TRPM3: variants seen among roughly 807,000 people sequenced by gnomAD.
TRPM3 encodes the protein transient receptor potential cation channel subfamily M member 3.
In TRPM3, 77 loss-of-function variants were observed where a neutral mutation model predicts 181.2. The observed-to-expected ratio is 0.42, with a 90% CI of 0.35 to 0.51. The LOEUF is 0.51. Among genes scored for constraint, TRPM3 ranks in the 20% least tolerant of loss-of-function variants. The pLI, the probability that TRPM3 is intolerant of heterozygous loss-of-function variation, is 0.01. For missense variants in TRPM3, 1,759 were observed against 2,196.7 expected, an observed-to-expected ratio of 0.80 and a Z score of 3.98; for synonymous variants, 745 against 796.4, an observed-to-expected ratio of 0.94 and a Z score of 1.09.
intron 1 of TRPM3, among the ~76,000 whole-genome samples, chr9:70,947,512 C>T (rs2096947831): frequency 6.6e-6 from 1 of 151,960 alleles, no homozygotes; most frequent in African/African-American, 2.4e-5. Context: ...GAGAATTATC[C>T]TCTAGTAATG....
intron 1 of TRPM3, among the ~76,000 whole-genome samples, chr9:71,224,179 G>T (rs1173433873): frequency 1.3e-5 from 2 of 152,194 alleles, no homozygotes; most frequent in African/African-American, 4.8e-5. Flanking sequence ...TCCAGCTCCA[G>T]GCAGCTCAGC....
At chr9:70,550,541 C>G (rs1267682223) in intron 24 of TRPM3, among the ~76,000 whole-genome samples, 3 of 152,196 alleles carry the variant, frequency 2.0e-5, no homozygotes, top group South Asian at 4.1e-4. Flanking sequence ...GGATTCATAA[C>G]TGATATAGCA....
intron 1 of TRPM3, among the ~76,000 whole-genome samples, chr9:71,308,099 C>A (rs1424287472): frequency 6.6e-6 from 1 of 151,472 alleles, no homozygotes; most frequent in African/African-American, 2.4e-5. Context: ...GCCTCCCAAG[C>A]AGCTGGGATT....
intron 3 of TRPM3, among the ~76,000 whole-genome samples, chr9:70,849,857 G>C (rs2095153151): frequency 6.6e-6 from 1 of 152,102 alleles, no homozygotes; most frequent in Non-Finnish European, 1.5e-5. Context: ...TTCGGGTCTG[G>C]AAAACCCCAT....
chr9:70,898,341 C>A lies in TRPM3; in HGVS notation c.178-33830G>T, dbSNP rs1196786428. Among the ~76,000 whole-genome samples, 6 of 151,656 alleles carry A rather than the reference C, an allele frequency of 4.0e-5. No individual in the cohort carries two copies. The East Asian group carries it at 1.2e-3, about 30-fold the overall frequency. On this transcript the variant is annotated intron_variant, in intron 1 of 25. Coordinates refer to ENST00000677713, the MANE Select transcript of TRPM3 (RefSeq NM_001366145.2). ...GTTTCACCGTGTTAGCCAGGATGGT[C>A]TCGATCTCCTGACCTCGTGATCCAC...
At chr9:70,950,630 A>G (rs181513124) in intron 1 of TRPM3, among the ~76,000 whole-genome samples, 1 of 152,306 alleles carries the variant, frequency 6.6e-6, no homozygotes, top group Admixed American at 6.5e-5. Flanking sequence ...ATGGGCAGAG[A>G]CAGGTTTGGA....
chr9:70,563,402 A>G (rs2049655464), intron 22 of TRPM3, among the ~76,000 whole-genome samples: 1 of 152,194 alleles, frequency 6.6e-6, no homozygotes, highest in African/African-American at 2.4e-5. Flanking sequence ...TAAACAAGCT[A>G]AATTTCCCTT....
chr9:70,941,424 T>A (rs1005776403), intron 1 of TRPM3, among the ~76,000 whole-genome samples: 1 of 152,232 alleles, frequency 6.6e-6, no homozygotes, highest in Non-Finnish European at 1.5e-5. Flanking sequence ...AAGGCTGCAC[T>A]ATCAGCTTTT....
intron 9 of TRPM3, among the ~76,000 whole-genome samples, chr9:70,645,752 AAAT>A (rs201649452): frequency 2.0e-5 from 3 of 150,920 alleles, no homozygotes; most frequent in South Asian, 2.1e-4. Context: ...CAAAAAAAAA[AAAT>A]AAAAAAAATA....
intron 1 of TRPM3, among the ~76,000 whole-genome samples, chr9:70,953,823 C>T (rs889273216): frequency 2.6e-5 from 4 of 152,140 alleles, no homozygotes; most frequent in Admixed American, 6.6e-5. Flanking sequence ...GACGGAGCTG[C>T]CCTAACCTTG....
chr9:71,178,947 T>C (rs1382929337), intron 1 of TRPM3, among the ~76,000 whole-genome samples: 1 of 152,290 alleles, frequency 6.6e-6, no homozygotes, highest in East Asian at 1.9e-4. Flanking sequence ...AGAACTTAGA[T>C]GCTACAAATT....
At chr9:71,290,439 G>A (rs577260694) in intron 1 of TRPM3, among the ~76,000 whole-genome samples, 1 of 152,214 alleles carries the variant, frequency 6.6e-6, no homozygotes, top group South Asian at 2.1e-4. Flanking sequence ...TTTAAATACT[G>A]AGAAAGAAAT....
intron 1 of TRPM3, among the ~76,000 whole-genome samples, chr9:70,916,395 C>T (rs77996051): frequency 0.011 from 1,632 of 152,192 alleles, 39 homozygotes; most frequent in African/African-American, 0.037. Flanking sequence ...TGTAGAAAGA[C>T]TAAATGATGA....
At chr9:71,020,488 A>T (rs927093787) in intron 1 of TRPM3, among the ~76,000 whole-genome samples, 1 of 152,068 alleles carries the variant, frequency 6.6e-6, no homozygotes, top group African/African-American at 2.4e-5. Context: ...AAAAAAAAAA[A>T]AAAAATTCTG....
At chr9:71,051,867 C>G (rs2060095987) in intron 1 of TRPM3, among the ~76,000 whole-genome samples, 1 of 152,004 alleles carries the variant, frequency 6.6e-6, no homozygotes, top group African/African-American at 2.4e-5. Flanking sequence ...ATAGCCCAGT[C>G]AGAGGGAAAG....
chr9:70,638,283 A>G (rs1379658213), intron 11 of TRPM3, among the ~76,000 whole-genome samples: 1 of 152,150 alleles, frequency 6.6e-6, no homozygotes, highest in Non-Finnish European at 1.5e-5. Flanking sequence ...AGCCTCCAGA[A>G]CCCAGAGAAA....
intron 1 of TRPM3, among the ~76,000 whole-genome samples, chr9:71,263,775 T>G (rs767907373): frequency 6.6e-6 from 1 of 152,082 alleles, no homozygotes; most frequent in Non-Finnish European, 1.5e-5. Context: ...ACACCTATTC[T>G]TTTTCCTTCT....
chr9:71,168,603 TTA>T lies in TRPM3; in HGVS notation c.183+278048_183+278049del, dbSNP rs1218201794. The stretch of plus-strand genomic sequence containing the variant: ...GTTTTTTATTTTTTTATTTTTATTT[TTA>T]TTTATTTTTTTATTATTATTTTTTT... On this transcript the variant is annotated intron_variant, in intron 1 of 24. Transcript: ENST00000357533. 6.3e-3 allele frequency among the ~76,000 whole-genome samples: 174 copies of T among 27,622 alleles called. 5 individuals carry two copies. Among genetic ancestry groups the T allele is most frequent in the South Asian group, 0.053 (36 of 680 alleles). The allele number at this position is 27,622 out of a possible 152,430, so 18.1% of individuals were successfully genotyped here.
intron 1 of TRPM3, among the ~76,000 whole-genome samples, chr9:71,105,910 G>T (rs1249016908): frequency 6.6e-6 from 1 of 152,126 alleles, no homozygotes; most frequent in Non-Finnish European, 1.5e-5. Flanking sequence ...ACTTTCTAGG[G>T]TGATGCCAAT....
Sources: allele counts gnomAD v4.1 joint callset (sites outside exome capture counted in the v4.1 genomes callset), GRCh38; gene constraint gnomAD v4.1.1; transcripts MANE v1.5; gene names NCBI Gene and HGNC (gene_info 2026-07-23, HGNC 2026-07-21).